The following NR2C1 variants were observed in gnomAD, a reference collection of about 807,000 sequenced individuals.
The protein encoded by NR2C1 is TR2 nuclear hormone receptor.
A neutral mutation model predicts 74.8 loss-of-function variants in NR2C1; 33 were observed. The observed-to-expected ratio is 0.44, with a 90% CI of 0.33 to 0.59. The LOEUF is 0.59. Ranked by LOEUF, NR2C1 falls within the 20% of genes least tolerant of loss-of-function variation. The probability of loss-of-function intolerance (pLI) is 0.02; values close to 1 mark genes in which losing one functional copy is unlikely to be tolerated. For missense variants in NR2C1, 568 were observed against 715.6 expected, an observed-to-expected ratio of 0.79 and a Z score of 2.35; for synonymous variants, 225 against 240.6, an observed-to-expected ratio of 0.94 and a Z score of 0.60.
chr12:95,060,857 T>A (rs1298892531), intron 3 of NR2C1, among the ~76,000 whole-genome samples: 4 of 152,214 alleles, frequency 2.6e-5, no homozygotes, highest in Non-Finnish European at 4.4e-5. Context: ...TGCCCCTTAC[T>A]ATGTAATATA....
At chr12:95,046,065 C>A (rs951779785) in intron 9 of NR2C1, among the ~76,000 whole-genome samples, 7 of 152,104 alleles carry the variant, frequency 4.6e-5, no homozygotes, top group Non-Finnish European at 1.0e-4. Context: ...GTCTCGAACT[C>A]CTGACCTCAG....
intron 4 of NR2C1, 147 bp downstream of exon 4, chr12:95,059,759 T>C (rs1874466219): frequency 1.7e-6 from 1 of 586,608 alleles, no homozygotes; most frequent in South Asian, 2.8e-5. Flanking sequence ...AGGCTACAAA[T>C]ATGAACCATA....
At chr12:95,064,656 G>GAAC (rs1875383925) in intron 2 of NR2C1, among the ~76,000 whole-genome samples, 1 of 152,150 alleles carries the variant, frequency 6.6e-6, no homozygotes, top group South Asian at 2.1e-4. Context: ...TGGGGGGGAG[G>GAAC]AACAAGTTCA....
intron 9 of NR2C1, among the ~76,000 whole-genome samples, chr12:95,048,622 G>GCTT (rs1432439180): frequency 1.5e-4 from 19 of 130,508 alleles, no homozygotes; most frequent in Middle Eastern, 4.0e-3. Context: ...ATGCAGATGA[G>GCTT]TTTTTTTTTT....
chr12:95,062,776 A>C (rs2136191215), intron 2 of NR2C1, 38 bp from the exon 3 acceptor site: 2 of 1,504,932 alleles, frequency 1.3e-6, no homozygotes, highest in Non-Finnish European at 1.8e-6. Context: ...GAAACTCAAT[A>C]ATTTTTCTTT....
intron 2 of NR2C1, among the ~76,000 whole-genome samples, chr12:95,066,434 A>G (rs766546115): frequency 8.5e-5 from 13 of 152,204 alleles, no homozygotes; most frequent in Non-Finnish European, 1.6e-4. Flanking sequence ...ATACATATAC[A>G]TACATACATA....
At position 95,020,671 on chromosome 12, in the gene NR2C1, C is replaced by T. The variant is rs181937382; in HGVS notation, c.*1558G>A. On this transcript the variant is annotated 3_prime_UTR_variant, in exon 14 of 14. Coordinates refer to ENST00000333003, the MANE Select transcript of NR2C1 (RefSeq NM_003297.4). ...TTTTCTTCTATTGCAAAAATCTTTA[C>T]AAAAAATGTACTCTGAGTGCATTAT... 1 of 152,210 alleles carries T rather than the reference C, an allele frequency of 6.6e-6. No homozygotes were observed. The highest frequency in any genetic ancestry group is 1.9e-4 in the East Asian group (1 of 5,190). 9.4% of individuals were successfully genotyped at this position (152,210 alleles called of 1,614,324 possible).
chr12:95,040,773 A>G (rs1239054536), intron 9 of NR2C1, among the ~76,000 whole-genome samples, 176 bp from the exon 10 acceptor site: 2 of 152,256 alleles, frequency 1.3e-5, no homozygotes, highest in African/African-American at 4.8e-5. Flanking sequence ...CTTAGAATAA[A>G]TAAGTAGCCC....
At chr12:95,040,654 C>A (rs914877300) in intron 9 of NR2C1, 57 bp from the exon 10 acceptor site, 79 of 1,507,134 alleles carry the variant, frequency 5.2e-5, no homozygotes, top group South Asian at 6.5e-5. Flanking sequence ...TCTAAATTAT[C>A]ATTTCTTTGA....
chr12:95,038,945 C>T (rs1300948249), intron 10 of NR2C1, among the ~76,000 whole-genome samples: 1 of 151,946 alleles, frequency 6.6e-6, no homozygotes, highest in Non-Finnish European at 1.5e-5. Context: ...TTTTTTTCTA[C>T]AAACACACAC....
intron 1 of NR2C1, among the ~76,000 whole-genome samples, chr12:95,072,474 A>G (rs1362798690): frequency 1.3e-5 from 2 of 150,000 alleles, no homozygotes; most frequent in African/African-American, 4.9e-5. Flanking sequence ...AAAAAAAAAA[A>G]GAAAAAAAAA....
At chr12:95,053,688 T>C (rs1229720580) in intron 7 of NR2C1, among the ~76,000 whole-genome samples, 1 of 131,564 alleles carries the variant, frequency 7.6e-6, no homozygotes, top group East Asian at 2.0e-4. Context: ...GGTGTTTTTT[T>C]TTTTTTTTTT....
At position 95,069,418 on chromosome 12, in the gene NR2C1, C is replaced by T. The variant is rs184801443; in HGVS notation, c.-7-2027G>A. Among the ~76,000 whole-genome samples the T allele has an allele frequency of 1.6e-4, 24 of 152,294 alleles. 1 individual carries two copies. Among genetic ancestry groups the T allele is most frequent in the East Asian group, 1.2e-3 (6 of 5,184 alleles). On this transcript the variant is annotated intron_variant, in intron 1 of 13. Transcript: ENST00000333003. ...CTGTATTTTTACTACACCTCTTCCA[C>T]GTTTAGATTTGTTACTTACATAAAT... is the stretch of plus-strand genomic sequence containing the variant.
Position 95,025,255 on chromosome 12 carries a change from T to C in NR2C1, c.1532A>G (p.Asp511Gly), listed in dbSNP as rs1473719274. 2 of 1,528,492 alleles carry C rather than the reference T, an allele frequency of 1.3e-6. No homozygotes were observed. 94.7% of individuals were successfully genotyped at this position (1,528,492 alleles called of 1,614,324 possible). A position where few individuals can be genotyped will look rare whatever the true frequency, so the allele number is the denominator to read the frequency against. Residue 511 changes from aspartate (D) to glycine (G), a missense_variant and splice_region_variant, in exon 13 of 14, where the codon GAT (aspartate) becomes GGT (glycine). By Grantham distance (94) the Asp-to-Gly change is moderately conservative (BLOSUM62 -1). This residue lies in a region of NR2C1 where 117 missense variants were observed against 186.7 expected (regional missense o/e 0.63). Transcript: ENST00000333003. ...TTCCATGTTTTCTAGGCTTGGATGA[T>C]CTGAAACATTAAAGAAAACATTGGT... ...YLKAIVLFSP[D>G]HPSLENMEQI... is the part of the protein sequence containing the mutation.
chr12:95,029,634 T>C (rs1337442198), intron 11 of NR2C1, among the ~76,000 whole-genome samples: 14 of 149,764 alleles, frequency 9.3e-5, no homozygotes, highest in African/African-American at 2.7e-4. Context: ...CTCGGCTCAC[T>C]GCAACCTCTG....
In NR2C1 at chr12:95,048,106, A is replaced by G. The variant is rs2136146427; in HGVS notation, c.1131+962T>C. Among the ~76,000 whole-genome samples, 2 of 152,362 alleles carry G rather than the reference A, an allele frequency of 1.3e-5. 1 individual carries two copies. The highest frequency in any genetic ancestry group is 6.8e-3 in the Middle Eastern group (2 of 294). ...ATTTTATTATGTAATTTTAATTTATAATAGAGATGAGGTCTCGGCATGTTG... is the reference window on the plus strand; with the variant it reads ...ATTTTATTATGTAATTTTAATTTATGATAGAGATGAGGTCTCGGCATGTTG... On this transcript the variant is annotated intron_variant, in intron 9 of 13. Coordinates refer to ENST00000333003, the MANE Select transcript of NR2C1 (RefSeq NM_003297.4).
chr12:95,062,718 A>G lies in NR2C1; in HGVS notation c.75T>C (p.Thr25=). 6.2e-7 allele frequency: 1 copy of G among 1,613,918 alleles called. No individual in the cohort carries two copies. Among genetic ancestry groups the G allele is most frequent in the Non-Finnish European group, 8.5e-7 (1 of 1,179,770 alleles). ...QMGEIVTEQQ[T]GQKIQIVTAL... is the part of the protein sequence containing the mutation. The stretch of plus-strand genomic sequence containing the variant: ...CTGTCACAATCTGGATTTTCTGCCC[A>G]GTTTGCTGCTCTGTAACAATCTAAC... Residue 25 remains threonine (T), a synonymous_variant, in exon 3 of 14, where the codon ACT becomes ACC. Coordinates refer to ENST00000333003, the MANE Select transcript of NR2C1 (RefSeq NM_003297.4).
intron 7 of NR2C1, 129 bp downstream of exon 7, chr12:95,057,424 T>TA (rs554581574): frequency 0.033 from 16,633 of 500,352 alleles, 1 homozygote; most frequent in Middle Eastern, 0.044. Flanking sequence ...TAATTTATAT[T>TA]AAAAAAAAAA....
intron 7 of NR2C1, among the ~76,000 whole-genome samples, chr12:95,054,803 AG>A (rs1873589306): frequency 6.6e-6 from 1 of 151,660 alleles, no homozygotes; most frequent in South Asian, 2.1e-4. Flanking sequence ...TTTCTCGCAG[AG>A]GGGGATTTGG....
Sources: allele counts gnomAD v4.1 joint callset (sites outside exome capture counted in the v4.1 genomes callset), GRCh38; gene constraint gnomAD v4.1.1; regional missense constraint gnomAD v4.1.1; transcripts MANE v1.5; gene names NCBI Gene and HGNC (gene_info 2026-07-23, HGNC 2026-07-21).